The following CACNA1A variants were observed in gnomAD, a reference collection of about 807,000 sequenced individuals.
The protein encoded by CACNA1A is voltage-dependent P/Q-type calcium channel subunit alpha-1A.
A neutral mutation model predicts 262.4 loss-of-function variants in CACNA1A; 57 were observed. The observed-to-expected ratio is 0.22, with a 90% CI of 0.18 to 0.27. CACNA1A has a LOEUF of 0.27. CACNA1A is among the 10% of genes least tolerant of loss of function. The pLI is 1.00. For missense variants in CACNA1A, 2,526 were observed against 3,562.8 expected (o/e 0.71, Z 7.41); for synonymous variants, 1,431 against 1,419.3 (o/e 1.01, Z -0.18).
chr19:13,275,985 A>G (rs762715935), intron 23 of CACNA1A, 29 bp from the exon 24 acceptor site: 4 of 1,475,018 alleles, frequency 2.7e-6, no homozygotes, highest in East Asian at 2.3e-5. Flanking sequence ...GGTGCTCAGA[A>G]CCCCCACCTG....
intron 12 of CACNA1A, 163 bp downstream of exon 12, chr19:13,312,506 T>C (rs370254039): frequency 6.2e-5 from 35 of 564,352 alleles, no homozygotes; most frequent in African/African-American, 5.6e-4. Flanking sequence ...CTGGGTACAC[T>C]GTATCCTTGC....
rs2057373169 is a variant in CACNA1A, at chr19:13,285,162, C to G, written c.3598G>C (p.Glu1200Gln). The change falls in exon 21 of 47, where the codon GAG becomes CAG. Residue 1200 changes from glutamate (E) to glutamine (Q), a missense_variant. Around this residue, in one of 17 missense-constraint regions of CACNA1A, gnomAD observed 765 missense variants for 748.6 expected, o/e 1.02. Coordinates refer to ENST00000360228, the MANE Select transcript of CACNA1A (RefSeq NM_001127222.2). ...NPDPLPKKEE[E>Q]KKEEEEDDRG... The stretch of plus-strand genomic sequence containing the variant: ...TCGTCTTCCTCCTCCTCCTTCTTCT[C>G]TTCCTCTTTTTTTGGCAGTGGGTCT... The G allele has an allele frequency of 6.2e-7, 1 of 1,613,872 alleles. No individual in the cohort carries two copies. Among genetic ancestry groups the G allele is most frequent in the South Asian group, 1.1e-5 (1 of 91,084 alleles).
At chr19:13,446,283 T>C (rs2060810508) in intron 3 of CACNA1A, among the ~76,000 whole-genome samples, 1 of 146,898 alleles carries the variant, frequency 6.8e-6, no homozygotes, top group South Asian at 2.2e-4. Context: ...AAGAAAGTAC[T>C]CATTAAAGTC....
intron 11 of CACNA1A, chr19:13,316,093 G>T (rs189168744): frequency 1.3e-5 from 2 of 152,284 alleles, no homozygotes; most frequent in Admixed American, 1.3e-4. Context: ...GAGTAGCTGG[G>T]ATTACAGGTG....
At chr19:13,505,567 G>A (rs1599395315) in intron 1 of CACNA1A, among the ~76,000 whole-genome samples, 1 of 152,022 alleles carries the variant, frequency 6.6e-6, no homozygotes. Context: ...GCCCGAGCCC[G>A]CTCCAAGCTC....
intron 10 of CACNA1A, among the ~76,000 whole-genome samples, chr19:13,322,229 A>G (rs2058270656): frequency 1.3e-5 from 2 of 151,166 alleles, no homozygotes. Context: ...AAGAAATCGC[A>G]TACAGAAACA....
chr19:13,451,975 A>G (rs2060923897), intron 3 of CACNA1A: 1 of 151,896 alleles, frequency 6.6e-6, no homozygotes, highest in African/African-American at 2.4e-5. Context: ...GGCATGTACC[A>G]CCATGCCTGG....
At chr19:13,322,174 C>G (rs2058268660) in intron 10 of CACNA1A, among the ~76,000 whole-genome samples, 1 of 147,952 alleles carries the variant, frequency 6.8e-6, no homozygotes, top group Non-Finnish European at 1.5e-5. Context: ...TGCACTCCAG[C>G]CTGGGTGATG....
At chr19:13,439,438 C>T (rs1189244241) in intron 3 of CACNA1A, among the ~76,000 whole-genome samples, 3 of 146,848 alleles carry the variant, frequency 2.0e-5, no homozygotes, top group Admixed American at 6.9e-5. Context: ...CTCGTTCTGT[C>T]GCCCAGGCTG....
intron 3 of CACNA1A, among the ~76,000 whole-genome samples, chr19:13,444,375 G>A (rs150807384): frequency 6.2e-4 from 94 of 152,298 alleles, no homozygotes; most frequent in Non-Finnish European, 2.9e-4. Flanking sequence ...CTGTTTACAT[G>A]TGAAGGCAAC....
chr19:13,357,384 G>A (rs1447512466), intron 6 of CACNA1A, among the ~76,000 whole-genome samples: 1 of 152,214 alleles, frequency 6.6e-6, no homozygotes, highest in African/African-American at 2.4e-5. Flanking sequence ...CTATGTACAG[G>A]AGGAGGAAGC....
intron 5 of CACNA1A, chr19:13,362,221 A>G (rs62111181): frequency 0.11 from 16,234 of 151,956 alleles, 1,502 homozygotes; most frequent in East Asian, 0.23. Context: ...ATTTTGAGAC[A>G]AAATCTCACT....
At chr19:13,370,757 T>G (rs1243911725) in intron 4 of CACNA1A, 7 of 148,948 alleles carry the variant, frequency 4.7e-5, no homozygotes, top group East Asian at 3.9e-4. Flanking sequence ...AAAAAAAAAT[T>G]TGTAGATATT....
In CACNA1A at chr19:13,483,237, C is replaced by T. The variant is rs867579511; in HGVS notation, c.293+22695G>A. 8.8e-4 allele frequency among the ~76,000 whole-genome samples: 134 copies of T among 152,212 alleles called. 1 individual carries two copies. Among genetic ancestry groups the T allele is most frequent in the Non-Finnish European group, 1.6e-3 (110 of 68,004 alleles). On this transcript the variant is annotated intron_variant, in intron 1 of 46. Coordinates refer to ENST00000360228, the MANE Select transcript of CACNA1A (RefSeq NM_001127222.2). ...TGGTGGAGCCACAGATGGAAAGAGC[C>T]GGGTCCTGAAATCACCACATGGAAT...
In CACNA1A at chr19:13,214,685, G is replaced by A. The variant is rs1423478956; in HGVS notation, c.5732-77C>T. 2.6e-6 allele frequency: 3 copies of A among 1,156,716 alleles called. No homozygotes were observed. The highest frequency in any genetic ancestry group is 5.0e-5 in the East Asian group (2 of 40,138). The allele number at this position is 1,156,716 out of a possible 1,614,324, so 71.7% of individuals were successfully genotyped here. On this transcript the variant is annotated intron_variant, in intron 38 of 46. Transcript: ENST00000360228. This position sits in a 1 kb window ranked among gnomAD's most constrained non-coding sequence, Gnocchi z 4.1. ...ACTCTGGGTCAGCTGCAAAGCCATA[G>A]GCTCCCGAGAACGAGACCCCAATCT...
At chr19:13,423,686 A>T (rs2060353802) in intron 3 of CACNA1A, among the ~76,000 whole-genome samples, 1 of 149,698 alleles carries the variant, frequency 6.7e-6, no homozygotes, top group Non-Finnish European at 1.5e-5. Flanking sequence ...TAATTTTTGT[A>T]TTTTTTTTTG....
intron 19 of CACNA1A, among the ~76,000 whole-genome samples, chr19:13,289,140 C>CT (rs36024401): frequency 0.42 from 50,782 of 122,158 alleles, 11,639 homozygotes; most frequent in East Asian, 0.8. Flanking sequence ...TCGGCAATGT[C>CT]TTTTTTTTTT....
chr19:13,474,410 C>T (rs1012087622), intron 1 of CACNA1A, among the ~76,000 whole-genome samples: 7 of 152,104 alleles, frequency 4.6e-5, no homozygotes, highest in Admixed American at 1.3e-4. Flanking sequence ...AAGACAACAA[C>T]AGAAAAACAT....
At chr19:13,396,313 C>G (rs1035588480) in intron 3 of CACNA1A, among the ~76,000 whole-genome samples, 5 of 152,248 alleles carry the variant, frequency 3.3e-5, no homozygotes, top group Non-Finnish European at 5.9e-5. Context: ...ACTCAACTTT[C>G]TTGCTTCTCA....
Sources: gnomAD v4.1 joint callset for allele counts (sites outside exome capture counted in the v4.1 genomes callset) on GRCh38, gnomAD v4.1.1 for gene constraint, gnomAD v4.1.1 regional missense constraint, Gnocchi (gnomAD v3.1) non-coding constraint, MANE v1.5 for transcripts, NCBI Gene and HGNC (gene_info 2026-07-23, HGNC 2026-07-21) for gene names.